Variants in EBF3 observed in about 807,000 individuals in gnomAD.
The protein encoded by EBF3 is EBF transcription factor 3, also known as transcription factor COE3.
Under a neutral mutation model 77.1 loss-of-function variants are expected in EBF3, and 18 were observed. The observed-to-expected ratio is 0.23, with a 90% CI of 0.16 to 0.35. EBF3 has a LOEUF of 0.35. EBF3 is among the 10% of genes least tolerant of loss of function. The pLI is 1.00. For missense variants in EBF3, 558 were observed against 860.0 expected, an observed-to-expected ratio of 0.65 and a Z score of 4.39; for synonymous variants, 350 against 343.5, an observed-to-expected ratio of 1.02 and a Z score of -0.21.
rs1458950361 is a variant in EBF3, at chr10:129,964,259, T to C, written c.-491A>G. The C allele has an allele frequency of 4.1e-6, 4 of 984,158 alleles. No homozygotes were observed. In the African/African-American group the frequency reaches 5.3e-5, roughly 13 times the overall value. The allele number at this position is 984,158 out of a possible 1,614,324, so 61.0% of individuals were successfully genotyped here. A position where few individuals can be genotyped will look rare whatever the true frequency, so the allele number is the denominator to read the frequency against. On this transcript the variant is annotated 5_prime_UTR_variant, in exon 1 of 17. Coordinates refer to ENST00000440978, the MANE Select transcript of EBF3 (RefSeq NM_001375380.1). This position sits in a 1 kb window ranked among gnomAD's most constrained non-coding sequence, Gnocchi z 4.5. ...GACGGAGGCGCACAAAACTCAGCCC[T>C]CTCTCCCCGAGGAATGGACCCTTTC... is the stretch of plus-strand genomic sequence containing the variant.
intron 6 of EBF3, among the ~76,000 whole-genome samples, chr10:129,941,379 C>T (rs189413558): frequency 3.3e-5 from 5 of 152,348 alleles, no homozygotes; most frequent in Admixed American, 1.3e-4. Context: ...TGTTCTGCCC[C>T]GGTCATCACA....
intron 15 of EBF3, among the ~76,000 whole-genome samples, chr10:129,839,464 C>T (rs1401084884): frequency 2.0e-5 from 3 of 152,226 alleles, no homozygotes; most frequent in African/African-American, 7.2e-5. Flanking sequence ...ATGGGCCAGG[C>T]GCTGGGCAGG....
intron 6 of EBF3, among the ~76,000 whole-genome samples, chr10:129,891,772 T>C (rs1325527833): frequency 6.6e-6 from 1 of 152,186 alleles, no homozygotes; most frequent in Non-Finnish European, 1.5e-5. Context: ...AGCCCACTTT[T>C]GAGAATCCTT....
chr10:129,916,650 G>A (rs1365506149), intron 6 of EBF3, among the ~76,000 whole-genome samples: 1 of 152,214 alleles, frequency 6.6e-6, no homozygotes, highest in East Asian at 1.9e-4. Context: ...GCCAGCGAGA[G>A]GCTGGATGCA....
At chr10:129,860,258 G>A (rs1851524570) in intron 10 of EBF3, among the ~76,000 whole-genome samples, 2 of 151,894 alleles carry the variant, frequency 1.3e-5, no homozygotes, top group South Asian at 4.2e-4. Context: ...TCTCCTCCCT[G>A]CAGCACCGAG....
At chr10:129,961,362 A>T (rs1162491284) in intron 4 of EBF3, among the ~76,000 whole-genome samples, 1 of 152,202 alleles carries the variant, frequency 6.6e-6, no homozygotes, top group African/African-American at 2.4e-5. Flanking sequence ...TCTTTAAAAC[A>T]ACCAAATCAA....
intron 6 of EBF3, among the ~76,000 whole-genome samples, chr10:129,903,280 G>C (rs1426453181): frequency 6.6e-6 from 1 of 152,192 alleles, no homozygotes; most frequent in Non-Finnish European, 1.5e-5. Context: ...AATTTCCAAA[G>C]TAATATTATT....
intron 8 of EBF3, among the ~76,000 whole-genome samples, chr10:129,871,783 C>G (rs1051765562): frequency 6.6e-6 from 1 of 152,164 alleles, no homozygotes; most frequent in Non-Finnish European, 1.5e-5. Context: ...TCTTAACGAT[C>G]TGTCTATGCT....
intron 4 of EBF3, 148 bp downstream of exon 4, chr10:129,962,023 C>A: frequency 1.4e-6 from 1 of 699,448 alleles, no homozygotes. Flanking sequence ...TCATTCATTC[C>A]AATAAATATG....
rs567424243 is a variant in EBF3, at chr10:129,879,553, G to A, written c.555-1704C>T. On this transcript the variant is annotated intron_variant, in intron 6 of 16. Transcript: ENST00000440978. The surrounding 1 kb of genome is among the most constrained non-coding windows in gnomAD (Gnocchi z 4.7). ...TCCAATTGATGGGGGAAAGAGTGGT[G>A]GCCACTTAATTAAATTTTCCTGCAT... Among the ~76,000 whole-genome samples the A allele has an allele frequency of 1.8e-4, 28 of 151,826 alleles. No individual in the cohort carries two copies. The highest frequency in any genetic ancestry group is 4.6e-4 in the Admixed American group (7 of 15,260).
intron 14 of EBF3, 25 bp from the exon 15 acceptor site, chr10:129,840,467 C>T: frequency 6.5e-7 from 1 of 1,543,302 alleles, no homozygotes; most frequent in South Asian, 1.2e-5. Context: ...ACACGGTCAG[C>T]ACGCGCGGCC....
At chr10:129,903,552 C>G (rs946824582) in intron 6 of EBF3, among the ~76,000 whole-genome samples, 2 of 152,192 alleles carry the variant, frequency 1.3e-5, no homozygotes, top group African/African-American at 4.8e-5. Context: ...AGTACTAAAC[C>G]TATTCGATGA....
chr10:129,932,933 G>A (rs1857124592), intron 6 of EBF3, among the ~76,000 whole-genome samples: 2 of 134,934 alleles, frequency 1.5e-5, no homozygotes, highest in South Asian at 4.6e-4. Context: ...AATGCTCAGT[G>A]TAGCAGCGGG....
At chr10:129,922,690 C>A (rs1047599432) in intron 6 of EBF3, among the ~76,000 whole-genome samples, 1 of 152,260 alleles carries the variant, frequency 6.6e-6, no homozygotes, top group Non-Finnish European at 1.5e-5. Context: ...AGGACCCTTC[C>A]CTAGGCAAAC....
intron 6 of EBF3, among the ~76,000 whole-genome samples, chr10:129,940,584 A>G (rs1458100649): frequency 6.6e-6 from 1 of 152,222 alleles, no homozygotes; most frequent in Admixed American, 6.5e-5. Flanking sequence ...CATACCTTGT[A>G]AAGAGCCCCA....
rs530918338 is a variant in EBF3, at chr10:129,903,858, T to C, written c.555-26009A>G. On this transcript the variant is annotated intron_variant, in intron 6 of 16. Transcript: ENST00000440978. ...TTACTGCCGGGAGAGGAGTCTCAGATAGAATTCAATCCTAAAGTTGACAAA... is the reference window on the plus strand; with the variant it reads ...TTACTGCCGGGAGAGGAGTCTCAGACAGAATTCAATCCTAAAGTTGACAAA... Among the ~76,000 whole-genome samples the C allele has an allele frequency of 3.9e-5, 6 of 152,260 alleles. No individual in the cohort carries two copies. The South Asian group carries it at 1.2e-3, about 32-fold the overall frequency.
intron 6 of EBF3, among the ~76,000 whole-genome samples, chr10:129,917,796 T>C (rs777374259): frequency 1.2e-4 from 19 of 152,172 alleles, no homozygotes; most frequent in Non-Finnish European, 2.5e-4. Flanking sequence ...ATTTGACTTC[T>C]GTGAGATACC....
At chr10:129,854,433 T>C (rs1851104462) in intron 10 of EBF3, among the ~76,000 whole-genome samples, 1 of 152,084 alleles carries the variant, frequency 6.6e-6, no homozygotes, top group African/African-American at 2.4e-5. Flanking sequence ...ACGTTTTAGA[T>C]GGGTTTTTGC....
chr10:129,957,449 G>T, intron 5 of EBF3, 123 bp from the exon 6 acceptor site: 1 of 769,538 alleles, frequency 1.3e-6, no homozygotes, highest in Non-Finnish European at 2.1e-6. Context: ...AAGGCAGTTT[G>T]GAGAATTTAA....
Sources: gnomAD v4.1 joint callset for allele counts (sites outside exome capture counted in the v4.1 genomes callset) on GRCh38, gnomAD v4.1.1 for gene constraint, Gnocchi (gnomAD v3.1) non-coding constraint, MANE v1.5 for transcripts, NCBI Gene and HGNC (gene_info 2026-07-23, HGNC 2026-07-21) for gene names.